WDR4: variants seen among roughly 807,000 people sequenced by gnomAD.
The protein encoded by WDR4 is tRNA (guanine-N(7)-)-methyltransferase non-catalytic subunit WDR4.
A neutral mutation model predicts 48.6 loss-of-function variants in WDR4; 47 were observed. The observed-to-expected ratio is 0.97, with a 90% CI of 0.77 to 1.23. The LOEUF (loss-of-function observed/expected upper bound fraction) is 1.23, where lower values mean the gene tolerates loss of function less well. Among genes scored for constraint, WDR4 ranks in the 50% most tolerant of loss-of-function variants. The probability of loss-of-function intolerance (pLI) is 0.00; values close to 1 mark genes in which losing one functional copy is unlikely to be tolerated. For synonymous variants in WDR4, 268 were observed against 230.0 expected (o/e 1.17, Z -1.49); for missense variants, 606 against 551.6 (o/e 1.10, Z -0.99).
chr21:42,854,157 C>T (rs1329246670), intron 8 of WDR4, among the ~76,000 whole-genome samples: 1 of 152,258 alleles, frequency 6.6e-6, no homozygotes, highest in Non-Finnish European at 1.5e-5. Flanking sequence ...ACACACAAGT[C>T]ACTCGGGAAG....
Position 42,864,416 on chromosome 21 carries a change from G to A in WDR4, c.297-820C>T, listed in dbSNP as rs140607198. ...TGACCCCTGCTGCTCGTTCTGCTGC[G>A]TCGAACCAGGAGCCTCAGACAGAGA... On this transcript the variant is annotated intron_variant, in intron 3 of 10. Coordinates refer to ENST00000398208, the MANE Select transcript of WDR4 (RefSeq NM_018669.6). Among the ~76,000 whole-genome samples the A allele has an allele frequency of 9.6e-3, 1,464 of 152,226 alleles. 33 individuals carry two copies. The highest frequency in any genetic ancestry group is 0.034 in the African/African-American group (1,409 of 41,520).
downstream of WDR4, among the ~76,000 whole-genome samples, chr21:42,848,302 C>T (rs2057728777): frequency 6.6e-6 from 1 of 151,826 alleles, no homozygotes; most frequent in Non-Finnish European, 1.5e-5. Context: ...ACGCGGCGCA[C>T]ACCTCACTCA....
chr21:42,863,812 G>C (rs2058176807), intron 3 of WDR4, among the ~76,000 whole-genome samples: 1 of 151,760 alleles, frequency 6.6e-6, no homozygotes, highest in Non-Finnish European at 1.5e-5. Flanking sequence ...TTTTCTTTAA[G>C]AAAATTGCTC....
chr21:42,862,131 C>T lies in WDR4; in HGVS notation c.566+151G>A. ...CTTTCAGGGCTTCTGCAGGCAGCACCACGGCGCCTGCAGTGACCAAACACC... is the reference window on the plus strand; with the variant it reads ...CTTTCAGGGCTTCTGCAGGCAGCACTACGGCGCCTGCAGTGACCAAACACC... On this transcript the variant is annotated intron_variant, in intron 5 of 10. Coordinates refer to ENST00000398208, the MANE Select transcript of WDR4 (RefSeq NM_018669.6). The surrounding 1 kb of genome is among the most constrained non-coding windows in gnomAD (Gnocchi z 4.3). The T allele has an allele frequency of 1.5e-6, 1 of 649,426 alleles. No individual in the cohort carries two copies. 40.2% of individuals were successfully genotyped at this position (649,426 alleles called of 1,614,324 possible).
chr21:42,861,548 G>A (rs1231321060), intron 5 of WDR4, among the ~76,000 whole-genome samples: 1 of 152,050 alleles, frequency 6.6e-6, no homozygotes, highest in Non-Finnish European at 1.5e-5. Flanking sequence ...AGGGGCCGGG[G>A]GGCTGCAGGC....
intron 1 of WDR4, among the ~76,000 whole-genome samples, chr21:42,878,841 G>A (rs1040601806): frequency 6.6e-6 from 1 of 152,202 alleles, no homozygotes; most frequent in Non-Finnish European, 1.5e-5. Context: ...CTTGGGTTGG[G>A]TAAGTGTCGG....
the WDR4 span, among the ~76,000 whole-genome samples, chr21:42,887,991 T>C: frequency 6.6e-6 from 1 of 152,156 alleles, no homozygotes; most frequent in East Asian, 1.9e-4. Context: ...AATTTGAGTA[T>C]ATTTTAGGTA....
At chr21:42,843,478 A>T (rs1243204128) in intron 11 of WDR4, among the ~76,000 whole-genome samples, 4 of 134,716 alleles carry the variant, frequency 3.0e-5, no homozygotes, top group African/African-American at 1.1e-4. Flanking sequence ...TAGTGCAATC[A>T]CGGCTTGCTG....
At chr21:42,866,748 T>A (rs1478894271) in intron 3 of WDR4, among the ~76,000 whole-genome samples, 4 of 151,506 alleles carry the variant, frequency 2.6e-5, no homozygotes, top group Admixed American at 1.3e-4. Flanking sequence ...AATAATCCCC[T>A]CCAATTTCTC....
chr21:42,850,411 C>T (rs2057794562), intron 10 of WDR4, among the ~76,000 whole-genome samples, 169 bp from the exon 11 acceptor site: 1 of 152,166 alleles, frequency 6.6e-6, no homozygotes, highest in Admixed American at 6.5e-5. Context: ...TCCTGGGACC[C>T]ACACCCTGGC....
At chr21:42,846,732 A>G (rs2057714093), downstream of WDR4, among the ~76,000 whole-genome samples, 1 of 152,154 alleles carries the variant, frequency 6.6e-6, no homozygotes, top group Non-Finnish European at 1.5e-5. Flanking sequence ...TTAGAATTAA[A>G]TACAATAGAT....
Position 42,850,173 on chromosome 21 carries a change from A to C in WDR4, c.1115T>G (p.Leu372Arg), listed in dbSNP as rs1269114893. 1.2e-6 allele frequency: 2 copies of C among 1,613,906 alleles called. No homozygotes were observed. The highest frequency in any genetic ancestry group is 1.7e-6 in the Non-Finnish European group (2 of 1,179,936). Residue 372 changes from leucine to arginine, a missense_variant, in exon 11 of 11, where the codon CTG becomes CGG. By Grantham distance (102) the Leu-to-Arg change is moderately radical. Coordinates refer to ENST00000398208, the MANE Select transcript of WDR4 (RefSeq NM_018669.6). The part of the protein sequence containing the change: ...KATFDNVTSY[L>R]KKKEERLQQQ... Reference sequence around the variant, plus strand: ...CTGCAGTCTCTCCTCTTTCTTCTTCAGGTAGGAGGTCACGTTGTCGAACGT... The same window carrying C: ...CTGCAGTCTCTCCTCTTTCTTCTTCCGGTAGGAGGTCACGTTGTCGAACGT...
At chr21:42,881,695 A>T (rs554386624), upstream of WDR4, among the ~76,000 whole-genome samples, 1 of 152,338 alleles carries the variant, frequency 6.6e-6, no homozygotes, top group Non-Finnish European at 1.5e-5. Flanking sequence ...TCCAAAGCTA[A>T]TGCCACATGT....
At chr21:42,881,342 G>T (rs17178785), upstream of WDR4, among the ~76,000 whole-genome samples, 2 of 152,128 alleles carry the variant, frequency 1.3e-5, no homozygotes, top group African/African-American at 2.4e-5. Flanking sequence ...CAACTATTGG[G>T]TCTAATAATA....
At chr21:42,878,061 A>G (rs1055294270) in intron 1 of WDR4, among the ~76,000 whole-genome samples, 4 of 151,926 alleles carry the variant, frequency 2.6e-5, no homozygotes, top group African/African-American at 7.2e-5. Flanking sequence ...AAAAAAGAAA[A>G]AAAAGAAATT....
chr21:42,885,583 T>C, the WDR4 span, among the ~76,000 whole-genome samples: 2 of 145,052 alleles, frequency 1.4e-5, no homozygotes, highest in Non-Finnish European at 1.5e-5. Context: ...CACTCCAGCC[T>C]GGGCAAAAAG....
intron 3 of WDR4, among the ~76,000 whole-genome samples, chr21:42,864,508 G>A (rs1388412574): frequency 1.3e-5 from 2 of 152,136 alleles, no homozygotes; most frequent in Non-Finnish European, 2.9e-5. Context: ...CCCAGCCCAG[G>A]GCAGCAGTGA....
At chr21:42,870,125 CG>C (rs1306542880) in intron 3 of WDR4, among the ~76,000 whole-genome samples, 4 of 151,162 alleles carry the variant, frequency 2.6e-5, no homozygotes, top group Non-Finnish European at 4.4e-5. Context: ...CCAAGGTCAG[CG>C]GATCACCTGA....
intron 2 of WDR4, among the ~76,000 whole-genome samples, chr21:42,874,035 G>A (rs996403816): frequency 3.9e-5 from 6 of 152,092 alleles, no homozygotes; most frequent in African/African-American, 1.4e-4. Flanking sequence ...CTAATAACAG[G>A]CCAGGTATGG....
Sources: allele counts gnomAD v4.1 joint callset (sites outside exome capture counted in the v4.1 genomes callset), GRCh38; gene constraint gnomAD v4.1.1; non-coding constraint Gnocchi (gnomAD v3.1); transcripts MANE v1.5; gene names NCBI Gene and HGNC (gene_info 2026-07-23, HGNC 2026-07-21).